Variants in NEMP2 observed in about 807,000 individuals in gnomAD.
NEMP2 encodes the protein UPF0571 transmembrane protein.
Under a neutral mutation model 54.2 loss-of-function variants are expected in NEMP2, and 53 were observed. The observed-to-expected ratio is 0.98, with a 90% confidence interval of 0.78 to 1.23. NEMP2 has a LOEUF of 1.23. Ranked by LOEUF, NEMP2 falls within the 50% of genes most tolerant of loss-of-function variation. The pLI, the probability that NEMP2 is intolerant of heterozygous loss-of-function variation, is 0.00. For synonymous variants in NEMP2, 197 were observed against 190.3 expected (o/e 1.04, Z -0.29); for missense variants, 455 against 511.3 (o/e 0.89, Z 1.06).
In NEMP2 at chr2:190,525,299, G is replaced by A; in HGVS notation, c.177C>T (p.Ser59=). The A allele has an allele frequency of 6.5e-7, 1 of 1,550,368 alleles. No homozygotes were observed. The highest frequency in any genetic ancestry group is 8.7e-7 in the Non-Finnish European group (1 of 1,146,104). ...ESDCYCYNQN[S]QVEWKYIWST... is the part of the protein sequence containing the mutation. ...ACCATATGTATTTCCACTCCACTTG[G>A]GAATTTTGATTGTAGCAGTAACAGT... The change falls in exon 2 of 9, where the codon TCC becomes TCT. Residue 59 remains serine (S), a synonymous_variant. Transcript: ENST00000409150. The surrounding 1 kb of genome is among the most constrained non-coding windows in gnomAD (Gnocchi z 5.0).
At chr2:190,458,541 C>G in the NEMP2 span, among the ~76,000 whole-genome samples, 1 of 152,162 alleles carries the variant, frequency 6.6e-6, no homozygotes, top group Non-Finnish European at 1.5e-5. This position sits in a 1 kb window ranked among gnomAD's most constrained non-coding sequence, Gnocchi z 5.3. Context: ...TTACAGCAGC[C>G]TTAGCAAACT....
At chr2:190,643,733 T>C in the NEMP2 span, among the ~76,000 whole-genome samples, 1 of 152,144 alleles carries the variant, frequency 6.6e-6, no homozygotes, top group Non-Finnish European at 1.5e-5. Flanking sequence ...TCGAGACCAG[T>C]CTGGCCAACA....
chr2:190,576,389 C>G, the NEMP2 span, among the ~76,000 whole-genome samples: 15 of 152,246 alleles, frequency 9.9e-5, no homozygotes, highest in East Asian at 2.7e-3. Flanking sequence ...ACAATGATTT[C>G]TAGAACTAGC....
the NEMP2 span, chr2:190,436,451 G>A: frequency 6.2e-7 from 1 of 1,614,164 alleles, no homozygotes; most frequent in Non-Finnish European, 8.5e-7. The surrounding 1 kb of genome is among the most constrained non-coding windows in gnomAD (Gnocchi z 5.3). Flanking sequence ...TCTCTTTTGT[G>A]TTGGGTTTTA....
In NEMP2 at chr2:190,521,180, T is replaced by G. The variant is rs1178034201; in HGVS notation, c.214-1997A>C. Among the ~76,000 whole-genome samples, 1 of 152,150 alleles carries G rather than the reference T, an allele frequency of 6.6e-6. No homozygotes were observed. The highest frequency in any genetic ancestry group is 1.5e-5 in the Non-Finnish European group (1 of 68,026). The stretch of plus-strand genomic sequence containing the variant: ...TCTTCCACCCTCTGCAACAAAGGAT[T>G]TCACAACTTCTTCCTCAATACTCAA... On this transcript the variant is annotated intron_variant, in intron 2 of 8. Transcript: ENST00000409150. The surrounding 1 kb of genome is among the most constrained non-coding windows in gnomAD (Gnocchi z 6.2).
chr2:190,642,185 G>A, the NEMP2 span, among the ~76,000 whole-genome samples: 3,480 of 152,166 alleles, frequency 0.023, 55 homozygotes, highest in Non-Finnish European at 0.039. The surrounding 1 kb of genome is among the most constrained non-coding windows in gnomAD (Gnocchi z 4.1). Context: ...AGCTCATCCT[G>A]GGAACCTAAC....
chr2:190,648,702 T>C, the NEMP2 span, among the ~76,000 whole-genome samples: 1 of 151,148 alleles, frequency 6.6e-6, no homozygotes, highest in East Asian at 2.0e-4. Flanking sequence ...TCTCCCTCTT[T>C]GTCGTCCCCT....
chr2:190,557,000 A>G, the NEMP2 span, among the ~76,000 whole-genome samples: 47 of 152,350 alleles, frequency 3.1e-4, no homozygotes, highest in South Asian at 1.2e-3. Flanking sequence ...GGAACCACAA[A>G]AGAGCCCACA....
At chr2:190,636,066 T>C in the NEMP2 span, among the ~76,000 whole-genome samples, 13 of 152,338 alleles carry the variant, frequency 8.5e-5, no homozygotes, top group African/African-American at 3.1e-4. Context: ...GATCTCATTA[T>C]ATTGCTCAGG....
the NEMP2 span, among the ~76,000 whole-genome samples, chr2:190,550,196 G>A: frequency 6.6e-6 from 1 of 152,172 alleles, no homozygotes; most frequent in Non-Finnish European, 1.5e-5. The surrounding 1 kb of genome is among the most constrained non-coding windows in gnomAD (Gnocchi z 4.7). Context: ...ACAAAGAACA[G>A]ATATTTATTT....
the NEMP2 span, among the ~76,000 whole-genome samples, chr2:190,590,759 G>A: frequency 6.6e-6 from 1 of 152,140 alleles, no homozygotes; most frequent in Non-Finnish European, 1.5e-5. This position sits in a 1 kb window ranked among gnomAD's most constrained non-coding sequence, Gnocchi z 5.1. Flanking sequence ...AGTCTGGTTG[G>A]TTCATCTGCT....
the NEMP2 span, among the ~76,000 whole-genome samples, chr2:190,590,001 G>T: frequency 6.6e-6 from 1 of 152,184 alleles, no homozygotes; most frequent in Non-Finnish European, 1.5e-5. The surrounding 1 kb of genome is among the most constrained non-coding windows in gnomAD (Gnocchi z 5.1). Flanking sequence ...GTTCTGCCCA[G>T]ATTGCCATCA....
rs924058130 is a variant in NEMP2 at position 190,523,083 on chromosome 2, T to C, written c.213+2180A>G. Among the ~76,000 whole-genome samples, 2 of 152,112 alleles carry C rather than the reference T, an allele frequency of 1.3e-5. No homozygotes were observed. Among genetic ancestry groups the C allele is most frequent in the African/African-American group, 4.8e-5 (2 of 41,410 alleles). ...TTCAAATATTTTATAGAGTGGCTTTTTGTCAACAAACTAAAAAAATAAAAA... is the reference window on the plus strand; with the variant it reads ...TTCAAATATTTTATAGAGTGGCTTTCTGTCAACAAACTAAAAAAATAAAAA... On this transcript the variant is annotated intron_variant, in intron 2 of 8. Coordinates refer to ENST00000409150, the MANE Select transcript of NEMP2 (RefSeq NM_001142645.2). This position sits in a 1 kb window ranked among gnomAD's most constrained non-coding sequence, Gnocchi z 5.3.
chr2:190,424,460 C>T, the NEMP2 span, among the ~76,000 whole-genome samples: 3 of 152,018 alleles, frequency 2.0e-5, no homozygotes, highest in South Asian at 2.1e-4. This position sits in a 1 kb window ranked among gnomAD's most constrained non-coding sequence, Gnocchi z 5.9. Flanking sequence ...CTCAGCCTCC[C>T]GAGTAGCTGG....
At chr2:190,454,762 G>C in the NEMP2 span, among the ~76,000 whole-genome samples, 1 of 152,100 alleles carries the variant, frequency 6.6e-6, no homozygotes, top group Non-Finnish European at 1.5e-5. The surrounding 1 kb of genome is among the most constrained non-coding windows in gnomAD (Gnocchi z 4.6). Context: ...TGTCTAAATA[G>C]AGTAAGGAGA....
the NEMP2 span, among the ~76,000 whole-genome samples, chr2:190,591,548 C>A: frequency 2.0e-5 from 3 of 152,098 alleles, no homozygotes; most frequent in Non-Finnish European, 2.9e-5. The surrounding 1 kb of genome is among the most constrained non-coding windows in gnomAD (Gnocchi z 5.4). Flanking sequence ...AGTAAAAGAG[C>A]TGTTTTCTCA....
the NEMP2 span, chr2:190,464,897 G>A: frequency 1.0e-6 from 1 of 973,100 alleles, no homozygotes; most frequent in Non-Finnish European, 1.2e-6. Flanking sequence ...GTGGTTTTTA[G>A]TGGCTTTTGG....
the NEMP2 span, among the ~76,000 whole-genome samples, chr2:190,434,974 T>A: frequency 6.6e-6 from 1 of 152,198 alleles, no homozygotes; most frequent in Non-Finnish European, 1.5e-5. This position sits in a 1 kb window ranked among gnomAD's most constrained non-coding sequence, Gnocchi z 4.3. Flanking sequence ...TATTGTGAAC[T>A]GTGCATGCGA....
downstream of NEMP2, chr2:190,500,486 G>T (rs1559148799): frequency 4.7e-6 from 2 of 427,296 alleles, no homozygotes; most frequent in Non-Finnish European, 8.4e-6. This position sits in a 1 kb window ranked among gnomAD's most constrained non-coding sequence, Gnocchi z 5.3. Context: ...GTTAGGTTAA[G>T]GATGATAGAA....
Sources: allele counts gnomAD v4.1 joint callset (sites outside exome capture counted in the v4.1 genomes callset), GRCh38; gene constraint gnomAD v4.1.1; non-coding constraint Gnocchi (gnomAD v3.1); transcripts MANE v1.5; gene names NCBI Gene and HGNC (gene_info 2026-07-23, HGNC 2026-07-21).